The following GIPR variants were observed in gnomAD, a reference collection of about 807,000 sequenced individuals.
The protein encoded by GIPR is gastric inhibitory polypeptide receptor.
GIPR carries 74 observed loss-of-function variants against 62.2 expected under a neutral mutation model. The ratio of observed to expected loss-of-function variants is 1.19; its 90% CI spans 0.99 to 1.44. The LOEUF is 1.44. Among genes scored for constraint, GIPR ranks in the 40% most tolerant of loss-of-function variants. The pLI, the probability that GIPR is intolerant of heterozygous loss-of-function variation, is 0.00. For synonymous variants in GIPR, 256 were observed against 262.2 expected, an observed-to-expected ratio of 0.98 and a Z score of 0.23; for missense variants, 664 against 611.8, an observed-to-expected ratio of 1.09 and a Z score of -0.90.
Position 45,677,787 on chromosome 19 carries a change from C to A in GIPR, c.924+8C>A, listed in dbSNP as rs369724876. 1.4e-4 allele frequency: 220 copies of A among 1,610,570 alleles called. No homozygotes were observed. In the African/African-American group the frequency reaches 2.7e-3, roughly 20 times the overall value. On this transcript the variant is annotated splice_region_variant and intron_variant, in intron 10 of 13. Coordinates refer to ENST00000590918, the MANE Select transcript of GIPR (RefSeq NM_000164.4). ...ATCCTCATGACCATCTTGGTAGGATCGGTCCCGCCTCCACCAGGCCGCCCT... is the reference window on the plus strand; with the variant it reads ...ATCCTCATGACCATCTTGGTAGGATAGGTCCCGCCTCCACCAGGCCGCCCT...
chr19:45,674,221 G>A lies in GIPR; in HGVS notation c.488+44G>A, dbSNP rs551718425. 52 of 1,264,184 alleles carry A rather than the reference G, an allele frequency of 4.1e-5. No homozygotes were observed. The Middle Eastern group carries it at 7.4e-4, about 18-fold the overall frequency. The allele number at this position is 1,264,184 out of a possible 1,614,324, so 78.3% of individuals were successfully genotyped here. ...GTGGTGGCGGCAGAGATGTGAGCTC[G>A]GCCTCAGTTTGTCCAGTAAGATGGG... On this transcript the variant is annotated intron_variant, in intron 6 of 13. Coordinates refer to ENST00000590918, the MANE Select transcript of GIPR (RefSeq NM_000164.4).
intron 3 of GIPR, 50 bp from the exon 4 acceptor site, chr19:45,671,235 C>T (rs761757991): frequency 1.8e-6 from 2 of 1,084,838 alleles, no homozygotes; most frequent in Non-Finnish European, 2.8e-6. Context: ...AGCACTTGGC[C>T]CACTGCGCAG....
chr19:45,671,789 T>TTA (rs1444988703), intron 4 of GIPR, among the ~76,000 whole-genome samples: 2 of 148,590 alleles, frequency 1.3e-5, no homozygotes, highest in African/African-American at 2.5e-5. Context: ...TTTTTTTTTA[T>TTA]ATATATATTT....
chr19:45,668,874 C>T (rs896157105), intron 1 of GIPR, among the ~76,000 whole-genome samples: 4 of 152,186 alleles, frequency 2.6e-5, no homozygotes, highest in Admixed American at 6.6e-5. Flanking sequence ...CTTTATCTAC[C>T]CCCAGCGGGG....
At position 45,674,271 on chromosome 19, in the gene GIPR, C is replaced by A. The variant is rs73940306; in HGVS notation, c.488+94C>A. ...GGTGGTCTGTTTCCACCAGGTCCAG[C>A]TATCCACTGGTGGTTCTATGGGGAG... On this transcript the variant is annotated intron_variant, in intron 6 of 13. Coordinates refer to ENST00000590918, the MANE Select transcript of GIPR (RefSeq NM_000164.4). 181 of 850,182 alleles carry A rather than the reference C, an allele frequency of 2.1e-4. No individual in the cohort carries two copies. In the African/African-American group the frequency reaches 2.6e-3, roughly 12 times the overall value. 52.7% of individuals were successfully genotyped at this position (850,182 alleles called of 1,614,324 possible). A position where few individuals can be genotyped will look rare whatever the true frequency, so the allele number is the denominator to read the frequency against.
chr19:45,677,014 G>A lies in GIPR; in HGVS notation c.699G>A (p.Trp233Ter), dbSNP rs771830344. 30 of 1,613,914 alleles carry A rather than the reference G, an allele frequency of 1.9e-5. No homozygotes were observed. In the South Asian group the frequency reaches 2.7e-4, roughly 15 times the overall value. The change falls in exon 8 of 14, where the codon TGG becomes TGA. Residue 233 changes from tryptophan (W) to a stop codon, truncating the protein, a stop_gained. Coordinates refer to ENST00000590918, the MANE Select transcript of GIPR (RefSeq NM_000164.4). LOFTEE classifies it high-confidence loss of function. ...TQYCVGANYTWLLVEGVYLHS... is the reference protein window; with the variant it reads ...TQYCVGANYT ...ACTGCGTGGGTGCCAACTACACGTGGCTGCTGGTGGAGGGCGTCTACCTGC... is the reference window on the plus strand; with the variant it reads ...ACTGCGTGGGTGCCAACTACACGTGACTGCTGGTGGAGGGCGTCTACCTGC...
intron 7 of GIPR, among the ~76,000 whole-genome samples, chr19:45,675,606 G>A (rs569655985): frequency 6.8e-6 from 1 of 147,898 alleles, no homozygotes; most frequent in South Asian, 2.1e-4. Flanking sequence ...GCCATAGCGT[G>A]GCCCGGCAGT....
intron 2 of GIPR, 46 bp from the exon 3 acceptor site, chr19:45,670,589 G>A (rs1211344617): frequency 2.9e-6 from 4 of 1,361,308 alleles, no homozygotes. Flanking sequence ...AGCAGCCTGG[G>A]AGCGGGGGTC....
chr19:45,681,693 G>A (rs1967239645), intron 13 of GIPR, 36 bp from the exon 14 acceptor site: 4 of 1,610,962 alleles, frequency 2.5e-6, no homozygotes, highest in Non-Finnish European at 3.4e-6. Flanking sequence ...GGCAGCGCGG[G>A]GTACGGCGCC....
chr19:45,674,952 C>T, intron 7 of GIPR, 126 bp downstream of exon 7: 1 of 890,676 alleles, frequency 1.1e-6, no homozygotes. Context: ...GGTCCCTCTC[C>T]AAATGTGTCT....
intron 3 of GIPR, among the ~76,000 whole-genome samples, 170 bp from the exon 4 acceptor site, chr19:45,671,115 C>G (rs1289116927): frequency 6.6e-6 from 1 of 151,724 alleles, no homozygotes; most frequent in African/African-American, 2.4e-5. Context: ...AGCTTGTGGC[C>G]GAGCCGGGAC....
rs1342069551 is a variant in GIPR at position 45,678,229 on chromosome 19, G to T, written c.1152+3G>T. On this transcript the variant is annotated splice_donor_region_variant and intron_variant, in intron 12 of 13. Transcript: ENST00000590918. The stretch of plus-strand genomic sequence containing the variant: ...AGATCTTCCTCAGCTCCTTCCAGGT[G>T]CTCAGGCAGGGTGCAGGGGCTCCAT... 1.9e-6 allele frequency: 3 copies of T among 1,557,032 alleles called. No individual in the cohort carries two copies. In the Admixed American group the frequency reaches 5.8e-5, roughly 30 times the overall value.
At chr19:45,681,671 C>T (rs746614908) in intron 13 of GIPR, 26 bp downstream of exon 13, 3 of 1,612,764 alleles carry the variant, frequency 1.9e-6, no homozygotes, top group East Asian at 4.5e-5. Flanking sequence ...GCCGCCGCCC[C>T]CGCCCTCTGG....
intron 8 of GIPR, 59 bp downstream of exon 8, chr19:45,677,167 T>A: frequency 6.4e-7 from 1 of 1,567,324 alleles, no homozygotes; most frequent in Admixed American, 1.7e-5. Flanking sequence ...CTCCCCCAAC[T>A]GCCCTGCTGG....
At chr19:45,668,756 G>T (rs571455506) in intron 1 of GIPR, among the ~76,000 whole-genome samples, 1 of 152,304 alleles carries the variant, frequency 6.6e-6, no homozygotes, top group South Asian at 2.1e-4. Flanking sequence ...AGTGGGTGTC[G>T]GGCGTTAGAC....
At position 45,683,118 on chromosome 19, in the gene GIPR, G is replaced by A. The variant is rs1017316762; in HGVS notation, c.*1183G>A. On this transcript the variant is annotated 3_prime_UTR_variant, in exon 14 of 14. Coordinates refer to ENST00000590918, the MANE Select transcript of GIPR (RefSeq NM_000164.4). The stretch of plus-strand genomic sequence containing the variant: ...GGATGGTGGAGAGACTAAAGATAGA[G>A]AGATTGGGTTCGGGTAGGGGGAGAA... The A allele has an allele frequency of 6.5e-6, 1 of 152,704 alleles. No individual in the cohort carries two copies. Among genetic ancestry groups the A allele is most frequent in the African/African-American group, 2.4e-5 (1 of 41,444 alleles). 9.5% of individuals were successfully genotyped at this position (152,704 alleles called of 1,614,324 possible).
At position 45,671,338 on chromosome 19, in the gene GIPR, C is replaced by G. The variant is rs766215216; in HGVS notation, c.226C>G (p.Pro76Ala). The G allele has an allele frequency of 5.7e-5, 92 of 1,612,840 alleles. No homozygotes were observed. Among genetic ancestry groups the G allele is most frequent in the Non-Finnish European group, 7.6e-5 (90 of 1,179,842 alleles). The change falls in exon 4 of 14, where the codon CCC (proline) becomes GCC (alanine). Residue 76 changes from proline to alanine, a missense_variant. Physicochemically the swap from Pro to Ala is conservative, Grantham distance 27 (BLOSUM62 -1). Coordinates refer to ENST00000590918, the MANE Select transcript of GIPR (RefSeq NM_000164.4). ...DMYVCWDYAA[P>A]NATARASCPW... ...GTACGTCTGCTGGGACTATGCTGCA[C>G]CCAATGCCACTGCCCGTGCGTCCTG...
chr19:45,678,161 G>C lies in GIPR; in HGVS notation c.1087G>C (p.Glu363Gln), dbSNP rs750599207. The change falls in exon 12 of 14, where the codon GAA (glutamate) becomes CAA (glutamine). Residue 363 changes from glutamate (E) to glutamine (Q), a missense_variant. By Grantham distance (29) the Glu-to-Gln change is conservative. Transcript: ENST00000590918. ...HEVVFAPVTE[E>Q]QARGALRFAK... ...GGTGGTGTTTGCTCCCGTGACAGAG[G>C]AACAGGCCCGGGGCGCCCTGCGCTT... 2 of 1,607,394 alleles carry C rather than the reference G, an allele frequency of 1.2e-6. No individual in the cohort carries two copies. The highest frequency in any genetic ancestry group is 8.5e-7 in the Non-Finnish European group (1 of 1,177,644).
chr19:45,678,441 G>A, intron 12 of GIPR: 1 of 618,748 alleles, frequency 1.6e-6, no homozygotes, highest in Non-Finnish European at 2.8e-6. Context: ...TCGGTTCATT[G>A]CAGCCTCTGA....
Sources: allele counts gnomAD v4.1 joint callset (sites outside exome capture counted in the v4.1 genomes callset), GRCh38; gene constraint gnomAD v4.1.1; transcripts MANE v1.5; gene names NCBI Gene and HGNC (gene_info 2026-07-23, HGNC 2026-07-21).